The following ZFHX3 variants were observed in gnomAD, a reference collection of about 807,000 sequenced individuals.
The protein encoded by ZFHX3 is zinc finger homeobox 3, also known as zinc finger homeobox protein 3.
Under a neutral mutation model 279.1 loss-of-function variants are expected in ZFHX3, and 42 were observed. The observed-to-expected ratio is 0.15, with a 90% CI of 0.12 to 0.19. The LOEUF is 0.19. Among genes scored for constraint, ZFHX3 ranks in the 10% least tolerant of loss-of-function variants. ZFHX3 has a pLI of 1.00. For missense variants in ZFHX3, 4,981 were observed against 4,754.0 expected, an observed-to-expected ratio of 1.05 and a Z score of -1.40; for synonymous variants, 2,293 against 1,957.8, an observed-to-expected ratio of 1.17 and a Z score of -4.52.
At chr16:73,779,875 C>T (rs571122800) in intron 1 of ZFHX3, among the ~76,000 whole-genome samples, 1 of 152,064 alleles carries the variant, frequency 6.6e-6, no homozygotes, top group Non-Finnish European at 1.5e-5. Context: ...GCACCAGCAA[C>T]ACCCAGCTAA....
At chr16:73,340,793 G>A (rs1197702011) in intron 3 of ZFHX3, among the ~76,000 whole-genome samples, 1 of 152,108 alleles carries the variant, frequency 6.6e-6, no homozygotes, top group Non-Finnish European at 1.5e-5. Flanking sequence ...GGATCAAAGA[G>A]CTACATGAAT....
intron 3 of ZFHX3, among the ~76,000 whole-genome samples, chr16:72,904,416 AAAT>A (rs1166606490): frequency 1.7e-4 from 25 of 150,270 alleles, no homozygotes; most frequent in African/African-American, 3.5e-4. Context: ...ATAAATAAAT[AAAT>A]AAAAATTGTG....
In ZFHX3 at chr16:73,072,358, C is replaced by T. The variant is rs544252651; in HGVS notation, c.-532-13346G>A. 5.9e-3 allele frequency among the ~76,000 whole-genome samples: 895 copies of T among 150,640 alleles called. 11 individuals are homozygous for T. Among genetic ancestry groups the T allele is most frequent in the Non-Finnish European group, 8.7e-3 (593 of 67,796 alleles). The stretch of plus-strand genomic sequence containing the variant: ...ACTCAGGAGGCTGAGGCAGGAGACT[C>T]GCTTGAACCCAGGGGGTGGAAGTTG... On this transcript the variant is annotated intron_variant, in intron 8 of 17. Coordinates refer to the ZFHX3 transcript ENST00000641206.
At chr16:73,633,937 A>G (rs181605476) in intron 2 of ZFHX3, among the ~76,000 whole-genome samples, 14 of 152,292 alleles carry the variant, frequency 9.2e-5, no homozygotes, top group Admixed American at 5.2e-4. Flanking sequence ...GATGTTTGGC[A>G]AAGTATTATT....
intron 4 of ZFHX3, among the ~76,000 whole-genome samples, chr16:72,858,914 C>G (rs112793659): frequency 0.034 from 5,246 of 152,296 alleles, 179 homozygotes; most frequent in African/African-American, 0.077. Context: ...CAGCTTCAGA[C>G]AGCTCATCTA....
intron 1 of ZFHX3, among the ~76,000 whole-genome samples, chr16:73,749,093 C>T (rs554225976): frequency 6.6e-6 from 1 of 152,178 alleles, no homozygotes; most frequent in South Asian, 2.1e-4. Context: ...CGGCCCCAAA[C>T]TCACCTTTCT....
intron 1 of ZFHX3, among the ~76,000 whole-genome samples, chr16:73,018,962 CACACA>C (rs1244265489): frequency 3.4e-4 from 52 of 152,302 alleles, no homozygotes; most frequent in South Asian, 1.0e-3. Flanking sequence ...CTTCTAAGGA[CACACA>C]CCTCAGAGGC....
In ZFHX3 at chr16:73,683,692, G is replaced by C. The variant is rs2053050019; in HGVS notation, c.-1607-3452C>G. Among the ~76,000 whole-genome samples, 3 of 151,934 alleles carry C rather than the reference G, an allele frequency of 2.0e-5. No individual in the cohort carries two copies. In the South Asian group the frequency reaches 6.2e-4, roughly 32 times the overall value. On this transcript the variant is annotated intron_variant, in intron 1 of 17. Transcript: ENST00000641206. ...GAGTAGCGGGGATTACATGTTTCAG[G>C]GATTTTAGGTGACCCATCATCTCCC...
At chr16:73,285,010 C>G (rs1041970936) in intron 4 of ZFHX3, among the ~76,000 whole-genome samples, 8 of 152,118 alleles carry the variant, frequency 5.3e-5, no homozygotes, top group Non-Finnish European at 5.9e-5. Context: ...CTGGCTAATG[C>G]TTTTATAAAA....
At chr16:73,666,098 G>A (rs532885470) in intron 2 of ZFHX3, among the ~76,000 whole-genome samples, 2 of 151,964 alleles carry the variant, frequency 1.3e-5, no homozygotes, top group South Asian at 4.1e-4. Context: ...TTACAGGCGT[G>A]AGCCACCGCA....
At chr16:73,581,763 C>T (rs1475801734) in intron 2 of ZFHX3, among the ~76,000 whole-genome samples, 1 of 148,754 alleles carries the variant, frequency 6.7e-6, no homozygotes, top group Non-Finnish European at 1.5e-5. Flanking sequence ...CTCCACCTCC[C>T]GGGTTCAACC....
intron 3 of ZFHX3, among the ~76,000 whole-genome samples, chr16:73,424,753 C>CAAAAA (rs71156163): frequency 4.2e-5 from 4 of 95,798 alleles, no homozygotes; most frequent in African/African-American, 1.4e-4. Flanking sequence ...TACCCTGTGT[C>CAAAAA]AAAAAAAAAA....
chr16:73,858,541 G>T (rs1407569172), intron 1 of ZFHX3, among the ~76,000 whole-genome samples: 1 of 152,180 alleles, frequency 6.6e-6, no homozygotes, highest in Admixed American at 6.5e-5. Context: ...GCATTATTAT[G>T]CCTTCATGAA....
intron 4 of ZFHX3, among the ~76,000 whole-genome samples, chr16:73,271,714 A>G (rs2014149916): frequency 6.6e-6 from 1 of 152,202 alleles, no homozygotes. Context: ...TGCCTGACAA[A>G]GGAGGAATTA....
intron 1 of ZFHX3, among the ~76,000 whole-genome samples, chr16:73,713,665 T>G (rs1196273821): frequency 6.6e-6 from 1 of 152,078 alleles, no homozygotes; most frequent in Middle Eastern, 3.2e-3. Flanking sequence ...AATTTGCTTT[T>G]TACATCTATT....
intron 7 of ZFHX3, among the ~76,000 whole-genome samples, chr16:73,110,997 G>A (rs1966366154): frequency 1.3e-5 from 2 of 152,124 alleles, no homozygotes; most frequent in Admixed American, 6.5e-5. Flanking sequence ...CCAGAGTACA[G>A]TGGCATGATC....
chr16:73,663,529 A>G (rs1042932786), intron 2 of ZFHX3, among the ~76,000 whole-genome samples: 11 of 152,210 alleles, frequency 7.2e-5, no homozygotes, highest in African/African-American at 2.4e-4. Context: ...ACTTGCTCTC[A>G]TTTCCTAGTG....
At chr16:73,305,515 A>T (rs1321773880) in intron 4 of ZFHX3, among the ~76,000 whole-genome samples, 1 of 151,996 alleles carries the variant, frequency 6.6e-6, no homozygotes, top group Non-Finnish European at 1.5e-5. Flanking sequence ...TAGGAATAAC[A>T]ATCAGTTGCT....
intron 1 of ZFHX3, among the ~76,000 whole-genome samples, chr16:73,774,745 G>A (rs1036072503): frequency 3.9e-5 from 6 of 152,132 alleles, no homozygotes; most frequent in African/African-American, 7.2e-5. Flanking sequence ...AGACAACGGT[G>A]GTTTTCTTAA....
Sources: gnomAD v4.1 joint callset for allele counts (sites outside exome capture counted in the v4.1 genomes callset) on GRCh38, gnomAD v4.1.1 for gene constraint, MANE v1.5 for transcripts, NCBI Gene and HGNC (gene_info 2026-07-23, HGNC 2026-07-21) for gene names.